MAP3K5: variants seen among roughly 807,000 people sequenced by gnomAD.
MAP3K5 encodes the protein ASK-1.
In MAP3K5, 56 loss-of-function variants were observed where a neutral mutation model predicts 158.7. The ratio of observed to expected loss-of-function variants is 0.35; its 90% CI spans 0.28 to 0.44. The LOEUF is 0.44. Among genes scored for constraint, MAP3K5 ranks in the 20% least tolerant of loss-of-function variants. MAP3K5 has a pLI of 1.00. For missense variants in MAP3K5, 1,294 were observed against 1,674.8 expected (o/e 0.77, Z 3.97); for synonymous variants, 579 against 601.7 (o/e 0.96, Z 0.55).
chr6:136,771,731 T>C (rs1318106793), intron 1 of MAP3K5, among the ~76,000 whole-genome samples: 11 of 152,188 alleles, frequency 7.2e-5, no homozygotes, highest in African/African-American at 2.7e-4. Flanking sequence ...TTGAATTCTT[T>C]CCTGGGCAAA....
At chr6:136,684,388 C>A (rs1294296672) in intron 7 of MAP3K5, among the ~76,000 whole-genome samples, 1 of 152,034 alleles carries the variant, frequency 6.6e-6, no homozygotes, top group African/African-American at 2.4e-5. Flanking sequence ...CTGCATATAA[C>A]AAAATTTTCT....
intron 7 of MAP3K5, among the ~76,000 whole-genome samples, chr6:136,689,613 C>T (rs1780302794): frequency 6.6e-6 from 1 of 152,188 alleles, no homozygotes; most frequent in South Asian, 2.1e-4. Flanking sequence ...AATGCTGTTA[C>T]ATCAGAAATC....
intron 7 of MAP3K5, among the ~76,000 whole-genome samples, chr6:136,682,111 T>C (rs993656810): frequency 1.3e-5 from 2 of 152,178 alleles, no homozygotes; most frequent in Non-Finnish European, 2.9e-5. Flanking sequence ...ATCCTGGAAC[T>C]AGCGATCCCT....
At chr6:136,567,546 G>T in intron 26 of MAP3K5, 85 bp downstream of exon 26, 3 of 1,365,126 alleles carry the variant, frequency 2.2e-6, no homozygotes, top group Non-Finnish European at 3.0e-6. Context: ...ATGGGATAAG[G>T]GAATCATATT....
At chr6:136,605,046 C>CA (rs1000562178) in intron 19 of MAP3K5, among the ~76,000 whole-genome samples, 163 bp downstream of exon 19, 23 of 152,128 alleles carry the variant, frequency 1.5e-4, no homozygotes, top group African/African-American at 5.3e-4. Context: ...TGTGAGGCAC[C>CA]AGCGCTGGTT....
chr6:136,789,710 A>G (rs1459080338), intron 1 of MAP3K5, among the ~76,000 whole-genome samples: 1 of 117,856 alleles, frequency 8.5e-6, no homozygotes, highest in Admixed American at 1.1e-4. Context: ...TTTTTAAGAC[A>G]GAGTCTCATT....
chr6:136,620,874 G>C (rs1668693234), intron 15 of MAP3K5, among the ~76,000 whole-genome samples: 1 of 152,192 alleles, frequency 6.6e-6, no homozygotes, highest in South Asian at 2.1e-4. Context: ...CCATAAGGCA[G>C]AGCACAAGAG....
intron 1 of MAP3K5, among the ~76,000 whole-genome samples, chr6:136,776,701 T>C (rs1379066894): frequency 6.6e-6 from 1 of 152,232 alleles, no homozygotes; most frequent in East Asian, 1.9e-4. Flanking sequence ...GTCTCCCTTT[T>C]GCCTGCCCTC....
chr6:136,761,950 G>A (rs1243056603), intron 1 of MAP3K5, among the ~76,000 whole-genome samples: 1 of 152,192 alleles, frequency 6.6e-6, no homozygotes, highest in African/African-American at 2.4e-5. Flanking sequence ...GGAGGACTGG[G>A]CATTCTCCTA....
chr6:136,700,386 A>T (rs11154880), intron 3 of MAP3K5, among the ~76,000 whole-genome samples: 1 of 151,848 alleles, frequency 6.6e-6, no homozygotes, highest in African/African-American at 2.4e-5. Flanking sequence ...CTGGTAACTG[A>T]TAACAACCTG....
chr6:136,659,639 T>C (rs1210003320), intron 8 of MAP3K5, among the ~76,000 whole-genome samples: 1 of 152,202 alleles, frequency 6.6e-6, no homozygotes, highest in Non-Finnish European at 1.5e-5. Flanking sequence ...GGTTGAGTGA[T>C]TCCACTTACA....
At chr6:136,645,878 C>T (rs1474780319) in intron 11 of MAP3K5, among the ~76,000 whole-genome samples, 6 of 152,132 alleles carry the variant, frequency 3.9e-5, no homozygotes, top group South Asian at 2.1e-4. Flanking sequence ...TGAAAAGCTA[C>T]ATTCTCTATT....
intron 26 of MAP3K5, 123 bp from the exon 27 acceptor site, chr6:136,562,738 A>G (rs1470154933): frequency 7.9e-6 from 4 of 509,116 alleles, no homozygotes; most frequent in Non-Finnish European, 1.4e-5. Flanking sequence ...TGGCCCAATT[A>G]TAGCTCACTG....
intron 7 of MAP3K5, among the ~76,000 whole-genome samples, chr6:136,673,299 T>A (rs977523089): frequency 6.6e-6 from 1 of 152,182 alleles, no homozygotes; most frequent in Non-Finnish European, 1.5e-5. Context: ...AGAATCTCTG[T>A]GAGTGAAAAT....
At chr6:136,575,108 A>T (rs2129072977) in intron 25 of MAP3K5, among the ~76,000 whole-genome samples, 1 of 151,794 alleles carries the variant, frequency 6.6e-6, no homozygotes, top group East Asian at 1.9e-4. Flanking sequence ...TTAACAGTTT[A>T]TATACCTTTG....
chr6:136,762,543 G>A (rs1166340110), intron 1 of MAP3K5, among the ~76,000 whole-genome samples: 1 of 152,142 alleles, frequency 6.6e-6, no homozygotes, highest in Non-Finnish European at 1.5e-5. Flanking sequence ...AAGGGGGGAA[G>A]AGAGCTTAGT....
intron 1 of MAP3K5, among the ~76,000 whole-genome samples, chr6:136,775,833 A>G (rs1490072010): frequency 6.6e-6 from 1 of 152,236 alleles, no homozygotes; most frequent in Non-Finnish European, 1.5e-5. Flanking sequence ...TTTTGTGTGT[A>G]CAATGCATTC....
In MAP3K5 at chr6:136,622,843, T is replaced by C. The variant is rs201278476; in HGVS notation, c.2150+5A>G. ...AACAGCTTTTAGTAGCTACAATTAC[T>C]GTACCTGCTGTCTCTCTCTGGGATT... On this transcript the variant is annotated splice_donor_5th_base_variant and intron_variant, in intron 15 of 29. Transcript: ENST00000359015. The C allele has an allele frequency of 2.0e-4, 322 of 1,613,806 alleles. 2 individuals are homozygous for C. In the South Asian group the frequency reaches 3.3e-3, roughly 17 times the overall value.
chr6:136,605,412 A>C, intron 18 of MAP3K5, 46 bp from the exon 19 acceptor site: 1 of 1,511,888 alleles, frequency 6.6e-7, no homozygotes, highest in Non-Finnish European at 9.0e-7. Context: ...GATAAAACAG[A>C]AGGGTATCTA....
Sources: allele counts gnomAD v4.1 joint callset (sites outside exome capture counted in the v4.1 genomes callset), GRCh38; gene constraint gnomAD v4.1.1; transcripts MANE v1.5; gene names NCBI Gene and HGNC (gene_info 2026-07-23, HGNC 2026-07-21).